EFCAB13: variants seen among roughly 807,000 people sequenced by gnomAD.
The protein encoded by EFCAB13 is EF-hand calcium-binding domain-containing protein 13.
A neutral mutation model predicts 110.2 loss-of-function variants in EFCAB13; 91 were observed. That is an observed-to-expected ratio of 0.83 (90% CI 0.70 to 0.98). The LOEUF (loss-of-function observed/expected upper bound fraction) is 0.98, where lower values mean the gene tolerates loss of function less well. Ranked by LOEUF, EFCAB13 falls within the 50% of genes least tolerant of loss-of-function variation. The pLI, the probability that EFCAB13 is intolerant of heterozygous loss-of-function variation, is 0.00. For missense variants in EFCAB13, 968 were observed against 1,119.4 expected (o/e 0.86, Z 1.93); for synonymous variants, 323 against 369.9 (o/e 0.87, Z 1.45).
At chr17:47,329,192 C>G (rs935265242) in intron 4 of EFCAB13, among the ~76,000 whole-genome samples, 2 of 151,896 alleles carry the variant, frequency 1.3e-5, no homozygotes, top group African/African-American at 4.8e-5. Flanking sequence ...GGGGGTGTGT[C>G]TGGCATTGTC....
Position 47,431,874 on chromosome 17 carries a change from A to C in EFCAB13, c.2638+1913A>C, listed in dbSNP as rs1231636448. Among the ~76,000 whole-genome samples, 1 of 152,244 alleles carries C rather than the reference A, an allele frequency of 6.6e-6. No individual in the cohort carries two copies. The highest frequency in any genetic ancestry group is 2.4e-5 in the African/African-American group (1 of 41,460). Reference sequence around the variant, plus strand: ...TTGTTCTAAAATCTTCTACAATTTTATACCATGATTATGTATTTGTCTACT... The same window carrying C: ...TTGTTCTAAAATCTTCTACAATTTTCTACCATGATTATGTATTTGTCTACT... On this transcript the variant is annotated intron_variant, in intron 24 of 24. Transcript: ENST00000331493. This position sits in a 1 kb window ranked among gnomAD's most constrained non-coding sequence, Gnocchi z 4.1.
At chr17:47,383,276 T>C (rs1227854213) in intron 14 of EFCAB13, among the ~76,000 whole-genome samples, 1 of 152,184 alleles carries the variant, frequency 6.6e-6, no homozygotes, top group African/African-American at 2.4e-5. Flanking sequence ...TGTCTCTATC[T>C]CTTTCTGTTT....
At chr17:47,391,238 C>A (rs930081527) in intron 14 of EFCAB13, among the ~76,000 whole-genome samples, 199 bp from the exon 15 acceptor site, 4 of 151,948 alleles carry the variant, frequency 2.6e-5, no homozygotes, top group African/African-American at 9.7e-5. Context: ...CTGTGTGTGG[C>A]CTAGAATAAT....
intron 24 of EFCAB13, among the ~76,000 whole-genome samples, chr17:47,435,269 CAT>C (rs1905191383): frequency 2.0e-5 from 3 of 151,990 alleles, no homozygotes; most frequent in Admixed American, 6.6e-5. Context: ...GGCCAACAAA[CAT>C]ATGAAAAAAA....
rs985386494 is a variant in EFCAB13, at chr17:47,328,291, C to T, written c.-63C>T. On this transcript the variant is annotated 5_prime_UTR_variant, in exon 4 of 25. Coordinates refer to ENST00000331493, the MANE Select transcript of EFCAB13 (RefSeq NM_152347.5). ...CAGGAAATCCTTTTGTACTATTGCT[C>T]ATTCATACTTGTTCATCAAAGCCTG... The T allele has an allele frequency of 1.5e-6, 2 of 1,360,778 alleles. No individual in the cohort carries two copies. Among genetic ancestry groups the T allele is most frequent in the Non-Finnish European group, 1.1e-6 (1 of 951,646 alleles). The allele number at this position is 1,360,778 out of a possible 1,614,324, so 84.3% of individuals were successfully genotyped here. A position where few individuals can be genotyped will look rare whatever the true frequency, so the allele number is the denominator to read the frequency against.
chr17:47,379,341 G>A, intron 14 of EFCAB13, 88 bp downstream of exon 14: 1 of 1,013,498 alleles, frequency 9.9e-7, no homozygotes, highest in Admixed American at 1.8e-5. Flanking sequence ...GCTTGCTTTT[G>A]GATGGATACT....
rs546436295 is a variant in EFCAB13 at position 47,412,728 on chromosome 17, A to C, written c.2279-45A>C. The C allele has an allele frequency of 3.8e-5, 57 of 1,513,946 alleles. 1 individual carries two copies. The South Asian group carries it at 7.0e-4, about 19-fold the overall frequency. 93.8% of individuals were successfully genotyped at this position (1,513,946 alleles called of 1,614,324 possible). ...GGTAGATTTTGGACAAATTATTTTGAATGTTTTTTACACCATAATAGCTTG... is the reference window on the plus strand; with the variant it reads ...GGTAGATTTTGGACAAATTATTTTGCATGTTTTTTACACCATAATAGCTTG... On this transcript the variant is annotated intron_variant, in intron 21 of 24. Transcript: ENST00000331493.
chr17:47,353,296 A>T (rs535799547), intron 9 of EFCAB13, among the ~76,000 whole-genome samples: 108 of 149,958 alleles, frequency 7.2e-4, no homozygotes, highest in Non-Finnish European at 1.2e-3. Context: ...TTTATTTATT[A>T]TTTTTTTTTA....
chr17:47,375,070 G>A, intron 12 of EFCAB13, 104 bp downstream of exon 12: 1 of 1,226,484 alleles, frequency 8.2e-7, no homozygotes, highest in South Asian at 2.4e-5. Context: ...AACACCCTGG[G>A]TAACCACCAC....
At chr17:47,402,043 A>G (rs2065781766) in intron 17 of EFCAB13, 89 bp from the exon 18 acceptor site, 1 of 944,366 alleles carries the variant, frequency 1.1e-6, no homozygotes, top group Non-Finnish European at 1.7e-6. Flanking sequence ...TTAGGAGTGC[A>G]TCAAATGGTT....
chr17:47,341,857 T>G (rs2065386790), intron 5 of EFCAB13, 64 bp from the exon 6 acceptor site: 1 of 974,026 alleles, frequency 1.0e-6, no homozygotes, highest in Non-Finnish European at 1.5e-6. Flanking sequence ...ATTTCCATAA[T>G]TAAAAGTTGA....
At chr17:47,327,735 G>A (rs995866995) in intron 3 of EFCAB13, among the ~76,000 whole-genome samples, 8 of 152,170 alleles carry the variant, frequency 5.3e-5, no homozygotes, top group African/African-American at 1.7e-4. Context: ...GATTACAGAC[G>A]TGAACCACTG....
At chr17:47,413,627 A>G (rs1364316524) in intron 22 of EFCAB13, among the ~76,000 whole-genome samples, 2 of 152,104 alleles carry the variant, frequency 1.3e-5, no homozygotes, top group Non-Finnish European at 2.9e-5. Flanking sequence ...ACCTAGATCA[A>G]TTTTTATGTT....
intron 5 of EFCAB13, among the ~76,000 whole-genome samples, chr17:47,339,680 A>G (rs1444338631): frequency 2.0e-5 from 3 of 149,696 alleles, no homozygotes; most frequent in East Asian, 3.9e-4. Flanking sequence ...AGCCTGGGCA[A>G]CAGAGTGAGA....
intron 11 of EFCAB13, among the ~76,000 whole-genome samples, chr17:47,373,153 CTTG>C (rs1165421825): frequency 1.3e-5 from 2 of 151,964 alleles, no homozygotes; most frequent in African/African-American, 4.8e-5. Flanking sequence ...TTTCAAATAA[CTTG>C]TTGTCAGGTT....
At chr17:47,360,730 G>A (rs997451314) in intron 9 of EFCAB13, among the ~76,000 whole-genome samples, 1 of 152,080 alleles carries the variant, frequency 6.6e-6, no homozygotes, top group African/African-American at 2.4e-5. Context: ...TAATGCCTAG[G>A]TTTTCTTCTA....
intron 5 of EFCAB13, 89 bp downstream of exon 5, chr17:47,335,445 T>G (rs2143234440): frequency 9.3e-7 from 1 of 1,081,078 alleles, no homozygotes; most frequent in East Asian, 2.5e-5. Context: ...TGCGTTCTCA[T>G]AATGTACCAT....
At chr17:47,386,159 C>T (rs746851574) in intron 14 of EFCAB13, among the ~76,000 whole-genome samples, 2 of 152,212 alleles carry the variant, frequency 1.3e-5, no homozygotes, top group Non-Finnish European at 2.9e-5. Context: ...AAGCGCTGTG[C>T]TGGGAGAGCC....
At chr17:47,412,392 T>A (rs78058736) in intron 21 of EFCAB13, among the ~76,000 whole-genome samples, 2 of 152,238 alleles carry the variant, frequency 1.3e-5, no homozygotes, top group Non-Finnish European at 2.9e-5. Flanking sequence ...ATGAACTATC[T>A]GAGGCCCTGG....
Sources: allele counts gnomAD v4.1 joint callset (sites outside exome capture counted in the v4.1 genomes callset), GRCh38; gene constraint gnomAD v4.1.1; non-coding constraint Gnocchi (gnomAD v3.1); transcripts MANE v1.5; gene names NCBI Gene and HGNC (gene_info 2026-07-23, HGNC 2026-07-21).